The following SRD5A2 variants were observed in gnomAD, a reference collection of about 807,000 sequenced individuals.
SRD5A2 encodes 3-oxo-5-alpha-steroid 4-dehydrogenase 2.
Under a neutral mutation model 27.4 loss-of-function variants are expected in SRD5A2, and 30 were observed. The ratio of observed to expected loss-of-function variants is 1.10; its 90% CI spans 0.82 to 1.49. The LOEUF (loss-of-function observed/expected upper bound fraction) is 1.49, where lower values mean the gene tolerates loss of function less well. SRD5A2 is among the 40% of genes most tolerant of loss of function. The pLI is 0.00. For missense variants in SRD5A2, 348 were observed against 323.4 expected, an observed-to-expected ratio of 1.08 and a Z score of -0.58; for synonymous variants, 141 against 133.6, an observed-to-expected ratio of 1.06 and a Z score of -0.38.
the SRD5A2 span, among the ~76,000 whole-genome samples, chr2:31,594,344 A>G: frequency 6.6e-6 from 1 of 152,202 alleles, no homozygotes; most frequent in African/African-American, 2.4e-5. Context: ...ACTTAAAGTA[A>G]AAGTGAGGGA....
chr2:31,588,758 CACTA>C, the SRD5A2 span, among the ~76,000 whole-genome samples: 1 of 152,116 alleles, frequency 6.6e-6, no homozygotes, highest in Admixed American at 6.5e-5. Flanking sequence ...AATATTATAA[CACTA>C]ACTGCAGTGT....
In SRD5A2 at chr2:31,524,501, C is replaced by T. The variant is rs892806137; in HGVS notation, c.*1695G>A. 2.6e-5 allele frequency: 6 copies of T among 230,044 alleles called. No individual in the cohort carries two copies. The Middle Eastern group carries it at 5.2e-3, about 199-fold the overall frequency. The allele number at this position is 230,044 out of a possible 1,614,324, so 14.3% of individuals were successfully genotyped here. A position where few individuals can be genotyped will look rare whatever the true frequency, so the allele number is the denominator to read the frequency against. ...AGGGTGAATGGGAATGAGGGACAGGCGGGACAGGGAAGCACACCCCAATAC... is the reference window on the plus strand; with the variant it reads ...AGGGTGAATGGGAATGAGGGACAGGTGGGACAGGGAAGCACACCCCAATAC... On this transcript the variant is annotated 3_prime_UTR_variant, in exon 5 of 5. Transcript: ENST00000622030.
the SRD5A2 span, among the ~76,000 whole-genome samples, chr2:31,646,502 C>T: frequency 8.8e-4 from 134 of 152,230 alleles, no homozygotes; most frequent in Non-Finnish European, 9.0e-4. Context: ...CTCTCTTTAA[C>T]GACATGTCCC....
intron 1 of SRD5A2, among the ~76,000 whole-genome samples, chr2:31,557,317 G>A (rs956533834): frequency 1.3e-5 from 2 of 152,316 alleles, no homozygotes; most frequent in African/African-American, 4.8e-5. Flanking sequence ...GTGCAGCCAG[G>A]TTAAAAGCCA....
intron 2 of SRD5A2, among the ~76,000 whole-genome samples, chr2:31,532,305 A>G (rs1353774618): frequency 6.6e-6 from 1 of 151,138 alleles, no homozygotes; most frequent in African/African-American, 2.4e-5. Flanking sequence ...TCATGAAATA[A>G]CGTGAGCTAG....
chr2:31,656,305 C>A, the SRD5A2 span, among the ~76,000 whole-genome samples: 1 of 152,160 alleles, frequency 6.6e-6, no homozygotes, highest in Admixed American at 6.5e-5. Flanking sequence ...ATCACATTCC[C>A]ATGGTTTCCT....
the SRD5A2 span, among the ~76,000 whole-genome samples, chr2:31,647,527 A>C: frequency 6.6e-6 from 1 of 152,204 alleles, no homozygotes; most frequent in South Asian, 2.1e-4. Flanking sequence ...AAAATTAATT[A>C]GTTTTCCTAG....
At chr2:31,643,351 A>G in the SRD5A2 span, among the ~76,000 whole-genome samples, 1 of 152,314 alleles carries the variant, frequency 6.6e-6, no homozygotes, top group Non-Finnish European at 1.5e-5. Flanking sequence ...CAAATATGGA[A>G]AAAGAAAAGA....
the SRD5A2 span, among the ~76,000 whole-genome samples, chr2:31,606,711 T>C: frequency 6.6e-6 from 1 of 152,100 alleles, no homozygotes; most frequent in South Asian, 2.1e-4. Context: ...GTCAGGCTGA[T>C]ACTATGTTGC....
intron 1 of SRD5A2, among the ~76,000 whole-genome samples, chr2:31,545,817 C>T (rs963362924): frequency 2.6e-5 from 4 of 152,120 alleles, no homozygotes; most frequent in East Asian, 1.9e-4. Context: ...AACACTCTAA[C>T]GATTCCACAT....
chr2:31,638,848 C>T, the SRD5A2 span, among the ~76,000 whole-genome samples: 1 of 151,364 alleles, frequency 6.6e-6, no homozygotes. Flanking sequence ...ATAATTGGGT[C>T]TTGCTTTTTT....
At position 31,524,906 on chromosome 2, in the gene SRD5A2, G is replaced by C. The variant is rs549077867; in HGVS notation, c.*1290C>G. ...TTCACAAGAGTTTGCAAACTCAAAT[G>C]CTTACTAGCTACGTAGTTCCAGTTC... is the stretch of plus-strand genomic sequence containing the variant. On this transcript the variant is annotated 3_prime_UTR_variant, in exon 5 of 5. Coordinates refer to ENST00000622030, the MANE Select transcript of SRD5A2 (RefSeq NM_000348.4). 2.7e-5 allele frequency: 6 copies of C among 225,980 alleles called. No individual in the cohort carries two copies. In the South Asian group the frequency reaches 1.1e-3, roughly 41 times the overall value. 14.0% of individuals were successfully genotyped at this position (225,980 alleles called of 1,614,324 possible). A position where few individuals can be genotyped will look rare whatever the true frequency, so the allele number is the denominator to read the frequency against.
At chr2:31,624,029 A>G in the SRD5A2 span, among the ~76,000 whole-genome samples, 4 of 152,256 alleles carry the variant, frequency 2.6e-5, no homozygotes, top group East Asian at 7.7e-4. Flanking sequence ...GGATTTTTGC[A>G]TCAACATTCA....
At position 31,546,175 on chromosome 2, in the gene SRD5A2, A is replaced by G. The variant is rs538182825; in HGVS notation, c.282-12409T>C. 1.6e-4 allele frequency among the ~76,000 whole-genome samples: 23 copies of G among 144,556 alleles called. 1 individual carries two copies. The highest frequency in any genetic ancestry group is 8.7e-4 in the Admixed American group (13 of 14,928). 94.8% of individuals were successfully genotyped at this position (144,556 alleles called of 152,430 possible). A position where few individuals can be genotyped will look rare whatever the true frequency, so the allele number is the denominator to read the frequency against. ...TACAATCCCTATCAAAATTCCAATG[A>G]CTTTTTTTTTTCAGAAATAAAACAG... On this transcript the variant is annotated intron_variant, in intron 1 of 4. Coordinates refer to ENST00000622030, the MANE Select transcript of SRD5A2 (RefSeq NM_000348.4).
intron 1 of SRD5A2, among the ~76,000 whole-genome samples, chr2:31,552,217 T>C (rs1666394895): frequency 6.7e-6 from 1 of 148,720 alleles, no homozygotes; most frequent in African/African-American, 2.5e-5. Flanking sequence ...GCAAGCATCC[T>C]AGATGAGCAC....
At chr2:31,545,136 A>T (rs1666218052) in intron 1 of SRD5A2, among the ~76,000 whole-genome samples, 1 of 152,038 alleles carries the variant, frequency 6.6e-6, no homozygotes, top group African/African-American at 2.4e-5. Context: ...TAGTAGAAAT[A>T]CTTCTACCAT....
intron 1 of SRD5A2, among the ~76,000 whole-genome samples, chr2:31,542,896 GA>G (rs1235318589): frequency 6.6e-6 from 1 of 152,026 alleles, no homozygotes; most frequent in Non-Finnish European, 1.5e-5. Context: ...AAATAATGGT[GA>G]AAAATTCTTC....
the SRD5A2 span, among the ~76,000 whole-genome samples, chr2:31,625,915 G>A: frequency 6.6e-6 from 1 of 152,148 alleles, no homozygotes; most frequent in Non-Finnish European, 1.5e-5. Flanking sequence ...TTGGTAGCTT[G>A]ATGGGGATGG....
chr2:31,604,755 C>T, the SRD5A2 span, among the ~76,000 whole-genome samples: 6 of 151,674 alleles, frequency 4.0e-5, no homozygotes, highest in Admixed American at 6.6e-5. Flanking sequence ...AGATTCAATG[C>T]GATTCGTGTC....
Sources: allele counts gnomAD v4.1 joint callset (sites outside exome capture counted in the v4.1 genomes callset), GRCh38; gene constraint gnomAD v4.1.1; transcripts MANE v1.5; gene names NCBI Gene and HGNC (gene_info 2026-07-23, HGNC 2026-07-21).